The following GBF1 variants were observed in gnomAD, a reference collection of about 807,000 sequenced individuals.
GBF1 encodes the protein golgi brefeldin A resistant guanine nucleotide exchange factor 1, also known as Golgi-specific brefeldin A-resistance guanine nucleotide exchange factor 1.
Under a neutral mutation model 210.5 loss-of-function variants are expected in GBF1, and 114 were observed. The ratio of observed to expected loss-of-function variants is 0.54; its 90% CI spans 0.47 to 0.63. GBF1 has a LOEUF of 0.63. Ranked by LOEUF, GBF1 falls within the 30% of genes least tolerant of loss-of-function variation. The pLI is 0.00. For synonymous variants in GBF1, 850 were observed against 889.2 expected (o/e 0.96, Z 0.78); for missense variants, 1,851 against 2,357.7 (o/e 0.79, Z 4.45).
At chr10:102,362,981 T>C (rs2059700105) in intron 15 of GBF1, among the ~76,000 whole-genome samples, 2 of 152,232 alleles carry the variant, frequency 1.3e-5, no homozygotes, top group Admixed American at 1.3e-4. Context: ...CCCCAATATC[T>C]GCCTCCACTC....
At chr10:102,280,129 A>AG (rs1160242812) in intron 3 of GBF1, among the ~76,000 whole-genome samples, 10 of 152,028 alleles carry the variant, frequency 6.6e-5, no homozygotes, top group South Asian at 4.2e-4. Context: ...TCTTAAAAAA[A>AG]AAGAGAGAGA....
At chr10:102,288,500 A>G (rs563403859) in intron 3 of GBF1, among the ~76,000 whole-genome samples, 1 of 151,058 alleles carries the variant, frequency 6.6e-6, no homozygotes, top group East Asian at 2.0e-4. Flanking sequence ...TCATGAGGTC[A>G]GGAGATCGAG....
chr10:102,369,893 G>A lies in GBF1; in HGVS notation c.3248G>A (p.Trp1083Ter). ...TCAACAGTGCTGAGCTTTGTGAGCT[G>A]GCTAACACTGAGTGGTCCTGAGCAG... ...GESTVLSFVS[W>*]LTLSGPEQSS... Residue 1083 changes from tryptophan (W) to a stop codon, truncating the protein, a stop_gained, in exon 26 of 40, where the codon TGG becomes TAG. Transcript: ENST00000369983. LOFTEE classifies it high-confidence loss of function. The A allele has an allele frequency of 1.2e-6, 2 of 1,614,088 alleles. No homozygotes were observed. Among genetic ancestry groups the A allele is most frequent in the Non-Finnish European group, 8.5e-7 (1 of 1,179,972 alleles).
intron 3 of GBF1, among the ~76,000 whole-genome samples, chr10:102,303,938 G>A (rs1388172130): frequency 6.6e-6 from 1 of 152,018 alleles, no homozygotes; most frequent in Non-Finnish European, 1.5e-5. Context: ...AGAAACTGAG[G>A]CTTAGAGAAG....
intron 3 of GBF1, among the ~76,000 whole-genome samples, chr10:102,276,304 AT>A (rs1395815797): frequency 2.0e-5 from 3 of 151,950 alleles, no homozygotes; most frequent in Non-Finnish European, 4.4e-5. Context: ...AGGCAGGCGG[AT>A]CACGAGGTCA....
At chr10:102,259,176 TC>T (rs1417686201) in intron 2 of GBF1, 142 bp downstream of exon 2, 3 of 604,206 alleles carry the variant, frequency 5.0e-6, no homozygotes, top group African/African-American at 3.7e-5. Context: ...TTTTTTTGTA[TC>T]CCAACTAGCA....
chr10:102,345,961 T>C (rs2058536691), intron 4 of GBF1, among the ~76,000 whole-genome samples: 1 of 152,120 alleles, frequency 6.6e-6, no homozygotes, highest in Admixed American at 6.6e-5. Flanking sequence ...GCTCTATAAT[T>C]TCCATAGTGT....
At chr10:102,268,601 C>T (rs954797273) in intron 3 of GBF1, among the ~76,000 whole-genome samples, 4 of 151,824 alleles carry the variant, frequency 2.6e-5, no homozygotes, top group African/African-American at 9.7e-5. Context: ...TTTTTTCAAA[C>T]AAGGAGGCAG....
chr10:102,346,312 AT>A (rs546557654), intron 4 of GBF1, among the ~76,000 whole-genome samples: 114 of 151,982 alleles, frequency 7.5e-4, no homozygotes, highest in Non-Finnish European at 8.1e-4. Context: ...TGTATGAAAG[AT>A]TTCTGAACTT....
intron 8 of GBF1, among the ~76,000 whole-genome samples, chr10:102,357,683 T>TA (rs1192902428): frequency 6.6e-6 from 1 of 152,060 alleles, no homozygotes; most frequent in African/African-American, 2.4e-5. Flanking sequence ...ACCCTGCCCT[T>TA]ACACTTTCTG....
At chr10:102,367,751 A>G (rs2059989617) in intron 21 of GBF1, among the ~76,000 whole-genome samples, 191 bp downstream of exon 21, 1 of 152,194 alleles carries the variant, frequency 6.6e-6, no homozygotes, top group Non-Finnish European at 1.5e-5. Context: ...TTGGGACTCT[A>G]GTACTCTAAG....
chr10:102,334,278 C>T (rs1209694892), intron 3 of GBF1, among the ~76,000 whole-genome samples: 1 of 152,172 alleles, frequency 6.6e-6, no homozygotes, highest in Admixed American at 6.5e-5. Flanking sequence ...GCCCAACTGC[C>T]CCTGATAAGA....
At chr10:102,271,514 C>CT (rs66646383) in intron 3 of GBF1, among the ~76,000 whole-genome samples, 23,500 of 140,036 alleles carry the variant, frequency 0.17, 2,169 homozygotes, top group East Asian at 0.34. Flanking sequence ...TTTTCTCCAC[C>CT]TTTTTTTTTT....
At chr10:102,232,267 G>C in the GBF1 span, among the ~76,000 whole-genome samples, 8 of 152,356 alleles carry the variant, frequency 5.3e-5, no homozygotes, top group East Asian at 1.5e-3. Flanking sequence ...TAAGGACGCA[G>C]AGGTGCATGC....
chr10:102,307,461 G>T (rs1327654346), intron 3 of GBF1, among the ~76,000 whole-genome samples: 2 of 149,978 alleles, frequency 1.3e-5, no homozygotes, highest in African/African-American at 4.9e-5. Flanking sequence ...AAAAAAAAAG[G>T]TCCCTGTGAG....
chr10:102,253,836 TG>T (rs949280238), intron 1 of GBF1, among the ~76,000 whole-genome samples: 1 of 152,260 alleles, frequency 6.6e-6, no homozygotes, highest in Admixed American at 6.5e-5. Context: ...TAAAGTGTTT[TG>T]CTATTTCAGG....
At chr10:102,355,588 A>T (rs2059247921) in intron 8 of GBF1, among the ~76,000 whole-genome samples, 1 of 152,238 alleles carries the variant, frequency 6.6e-6, no homozygotes, top group South Asian at 2.1e-4. Context: ...GCAGGCTGAG[A>T]ACACTAATTG....
rs1027435913 is a variant in GBF1, at chr10:102,363,442, C to T, written c.2017+46C>T. The T allele has an allele frequency of 1.3e-6, 2 of 1,566,524 alleles. No individual in the cohort carries two copies. The highest frequency in any genetic ancestry group is 2.7e-5 in the African/African-American group (2 of 73,818). On this transcript the variant is annotated intron_variant, in intron 16 of 39. Transcript: ENST00000369983. This position sits in a 1 kb window ranked among gnomAD's most constrained non-coding sequence, Gnocchi z 4.2. ...ACCCTAAGCTCCTCACCTGGAGGGC[C>T]TGGTGAAGAGCAGAGGGAGGGAGCA...
intron 8 of GBF1, among the ~76,000 whole-genome samples, chr10:102,354,808 A>G (rs1243054347): frequency 6.6e-6 from 1 of 151,924 alleles, no homozygotes; most frequent in East Asian, 1.9e-4. Context: ...CTTCTACCTT[A>G]TCCTTGTCTC....
Sources: allele counts gnomAD v4.1 joint callset (sites outside exome capture counted in the v4.1 genomes callset), GRCh38; gene constraint gnomAD v4.1.1; non-coding constraint Gnocchi (gnomAD v3.1); transcripts MANE v1.5; gene names NCBI Gene and HGNC (gene_info 2026-07-23, HGNC 2026-07-21).